IMPG1: variants seen among roughly 807,000 people sequenced by gnomAD.
The protein encoded by IMPG1 is interphotoreceptor matrix proteoglycan of 150 kDa.
A neutral mutation model predicts 92.0 loss-of-function variants in IMPG1; 85 were observed. The observed-to-expected ratio is 0.92, with a 90% CI of 0.78 to 1.11. IMPG1 has a LOEUF of 1.11. Among genes scored for constraint, IMPG1 ranks in the 50% least tolerant of loss-of-function variants. The pLI, the probability that IMPG1 is intolerant of heterozygous loss-of-function variation, is 0.00. For synonymous variants in IMPG1, 367 were observed against 334.1 expected (o/e 1.10, Z -1.08); for missense variants, 1,022 against 956.0 (o/e 1.07, Z -0.91).
chr6:76,049,273 C>G (rs1783996330), intron 1 of IMPG1, among the ~76,000 whole-genome samples: 1 of 152,114 alleles, frequency 6.6e-6, no homozygotes, highest in Non-Finnish European at 1.5e-5. Context: ...ATGAAATAAT[C>G]TATACAACAA....
chr6:76,040,480 A>G (rs1169510895), intron 2 of IMPG1, among the ~76,000 whole-genome samples: 1 of 152,236 alleles, frequency 6.6e-6, no homozygotes, highest in Non-Finnish European at 1.5e-5. Flanking sequence ...ACTCGAAATT[A>G]GTAATTTACT....
chr6:75,980,839 C>CATAT (rs1198980972), intron 12 of IMPG1, among the ~76,000 whole-genome samples: 1 of 152,184 alleles, frequency 6.6e-6, no homozygotes, highest in East Asian at 1.9e-4. Flanking sequence ...AACTCCCTTT[C>CATAT]ATATATGCAT....
rs144027489 is a variant in IMPG1, at chr6:75,942,930, A to G, written c.2044+4384T>C. Among the ~76,000 whole-genome samples, 399 of 152,356 alleles carry G rather than the reference A, an allele frequency of 2.6e-3. 9 individuals are homozygous for G. The highest frequency in any genetic ancestry group is 1.9e-3 in the South Asian group (9 of 4,828). Reference sequence around the variant, plus strand: ...GCTAGAAACAGTTTTCTGTAACTGTACAGGCTTTTTTTTAGAACAGTATTT... The same window carrying G: ...GCTAGAAACAGTTTTCTGTAACTGTGCAGGCTTTTTTTTAGAACAGTATTT... On this transcript the variant is annotated intron_variant, in intron 14 of 16. Coordinates refer to ENST00000369950, the MANE Select transcript of IMPG1 (RefSeq NM_001563.4).
At chr6:76,025,391 C>A (rs1179248720) in intron 4 of IMPG1, 133 bp from the exon 5 acceptor site, 4 of 462,372 alleles carry the variant, frequency 8.7e-6, no homozygotes, top group South Asian at 4.4e-5. Flanking sequence ...ACTAGATTGA[C>A]CTATTTTTAA....
intron 14 of IMPG1, among the ~76,000 whole-genome samples, chr6:75,934,213 C>A (rs1320591629): frequency 6.6e-6 from 1 of 152,208 alleles, no homozygotes; most frequent in Non-Finnish European, 1.5e-5. Context: ...GTCTGCTGCA[C>A]CCTTTCATGA....
rs3734311 is a variant in IMPG1, at chr6:75,950,834, G to C, written c.1552C>G (p.His518Asp). ...SSAGGEDMVR[H>D]LDEMDLSDTP... ...TCAGACAGATCCATTTCATCTAGGT[G>C]TCTGACCATATCTTCGCCACCTGCA... The change falls in exon 13 of 17, where the codon CAC becomes GAC. Residue 518 changes from histidine to aspartate, a missense_variant. Coordinates refer to ENST00000369950, the MANE Select transcript of IMPG1 (RefSeq NM_001563.4). 679,659 of 1,613,124 alleles carry C rather than the reference G, an allele frequency of 0.42. 147,619 individuals carry two copies. Among genetic ancestry groups the C allele is most frequent in the East Asian group, 0.67 (30,245 of 44,870 alleles).
At chr6:75,946,195 T>G (rs1026021065) in intron 14 of IMPG1, among the ~76,000 whole-genome samples, 3 of 152,256 alleles carry the variant, frequency 2.0e-5, no homozygotes, top group Non-Finnish European at 4.4e-5. Flanking sequence ...TGCTCCTGTT[T>G]AGAAGTAAGT....
chr6:75,988,369 C>T (rs1267083489), intron 12 of IMPG1, among the ~76,000 whole-genome samples: 4 of 152,160 alleles, frequency 2.6e-5, no homozygotes, highest in South Asian at 2.1e-4. Context: ...TCTCTGATGG[C>T]CAGTGATGAT....
intron 4 of IMPG1, among the ~76,000 whole-genome samples, chr6:76,029,585 C>G (rs1783618757): frequency 6.6e-6 from 1 of 152,134 alleles, no homozygotes; most frequent in Admixed American, 6.5e-5. Context: ...AACCAACCAG[C>G]AATCTCTGGC....
At chr6:76,019,300 C>T (rs1484278569) in intron 6 of IMPG1, among the ~76,000 whole-genome samples, 3 of 152,130 alleles carry the variant, frequency 2.0e-5, no homozygotes, top group African/African-American at 7.2e-5. Context: ...AGAGCAAGCC[C>T]AGAGCTCAGT....
At chr6:75,940,621 G>A (rs910026912) in intron 14 of IMPG1, among the ~76,000 whole-genome samples, 3 of 152,132 alleles carry the variant, frequency 2.0e-5, no homozygotes, top group Non-Finnish European at 4.4e-5. Context: ...AAGACCATAA[G>A]TCATAGGAAA....
intron 15 of IMPG1, among the ~76,000 whole-genome samples, chr6:75,926,534 C>T (rs1781553309): frequency 6.6e-6 from 1 of 152,152 alleles, no homozygotes; most frequent in African/African-American, 2.4e-5. Context: ...CTGAAACTGT[C>T]CCCTATATTT....
rs372676313 is a variant in IMPG1, at chr6:75,962,807, G to A, written c.1292-11713C>T. Among the ~76,000 whole-genome samples the A allele has an allele frequency of 5.3e-5, 8 of 152,304 alleles. No homozygotes were observed. In the East Asian group the frequency reaches 9.6e-4, roughly 18 times the overall value. On this transcript the variant is annotated intron_variant, in intron 12 of 16. Coordinates refer to ENST00000369950, the MANE Select transcript of IMPG1 (RefSeq NM_001563.4). ...TGTAACCCCAGCACTATGGGAGGCT[G>A]AGGCAGGTGGATCATCTGAATTCAG...
chr6:76,036,465 A>T (rs538576048), intron 2 of IMPG1, among the ~76,000 whole-genome samples: 23 of 152,312 alleles, frequency 1.5e-4, no homozygotes, highest in African/African-American at 5.5e-4. Context: ...CTAAAACTAT[A>T]TGTGTTTAGT....
intron 6 of IMPG1, among the ~76,000 whole-genome samples, chr6:76,021,368 C>T (rs1293514674): frequency 6.6e-6 from 1 of 152,154 alleles, no homozygotes; most frequent in East Asian, 1.9e-4. Context: ...ACCCTGACAA[C>T]CTTGGACACA....
At chr6:76,020,893 T>A (rs1489717375) in intron 6 of IMPG1, among the ~76,000 whole-genome samples, 1 of 152,202 alleles carries the variant, frequency 6.6e-6, no homozygotes, top group East Asian at 1.9e-4. Context: ...AATCAACTTG[T>A]TTTTACTCCA....
In IMPG1 at chr6:76,003,893, G is replaced by T; in HGVS notation, c.1193C>A (p.Ser398Tyr). Residue 398 changes from serine (S) to tyrosine (Y), a missense_variant, in exon 11 of 17, where the codon TCT (serine) becomes TAT (tyrosine). By Grantham distance (144) the Ser-to-Tyr change is moderately radical. Coordinates refer to ENST00000369950, the MANE Select transcript of IMPG1 (RefSeq NM_001563.4). ...GPDTQSELPT[S>Y]FAVITEDATL... ...ACTTACCTCTGTTATAACAGCAAAAGATGTGGGCAGCTCTGATTGGGTGTC... is the reference window on the plus strand; with the variant it reads ...ACTTACCTCTGTTATAACAGCAAAATATGTGGGCAGCTCTGATTGGGTGTC... 6.2e-7 allele frequency: 1 copy of T among 1,612,978 alleles called. No individual in the cohort carries two copies. Among genetic ancestry groups the T allele is most frequent in the Admixed American group, 1.7e-5 (1 of 59,700 alleles).
At chr6:75,961,088 A>G (rs777229436) in intron 12 of IMPG1, among the ~76,000 whole-genome samples, 55 of 152,332 alleles carry the variant, frequency 3.6e-4, no homozygotes, top group Non-Finnish European at 6.5e-4. Flanking sequence ...AGATGCCAGA[A>G]GCCCCATTAG....
intron 12 of IMPG1, among the ~76,000 whole-genome samples, chr6:75,974,482 CTT>C (rs1170592548): frequency 1.9e-5 from 2 of 104,406 alleles, no homozygotes; most frequent in Non-Finnish European, 4.2e-5. Flanking sequence ...TTTTTCTTTT[CTT>C]TTTTTTTTTT....
Sources: gnomAD v4.1 joint callset for allele counts (sites outside exome capture counted in the v4.1 genomes callset) on GRCh38, gnomAD v4.1.1 for gene constraint, MANE v1.5 for transcripts, NCBI Gene and HGNC (gene_info 2026-07-23, HGNC 2026-07-21) for gene names.